The following RGS6 variants were observed in gnomAD, a reference collection of about 807,000 sequenced individuals.
RGS6 encodes the protein regulator of G-protein signaling 6.
In RGS6, 30 loss-of-function variants were observed where a neutral mutation model predicts 78.5. That is an observed-to-expected ratio of 0.38 (90% confidence interval 0.29 to 0.52). The LOEUF is 0.52. RGS6 is among the 20% of genes least tolerant of loss of function. The probability of loss-of-function intolerance (pLI) is 0.85; values close to 1 mark genes in which losing one functional copy is unlikely to be tolerated. For missense variants in RGS6, 495 were observed against 609.7 expected, an observed-to-expected ratio of 0.81 and a Z score of 1.98; for synonymous variants, 206 against 206.0, an observed-to-expected ratio of 1.00 and a Z score of 0.00.
At chr14:72,432,980 G>A (rs7159534) in intron 3 of RGS6, among the ~76,000 whole-genome samples, 1 of 152,018 alleles carries the variant, frequency 6.6e-6, no homozygotes, top group Non-Finnish European at 1.5e-5. Flanking sequence ...TCATAGGTCC[G>A]TGTTGTAGCT....
At chr14:72,008,487 C>T (rs753862501) in intron 2 of RGS6, among the ~76,000 whole-genome samples, 2 of 149,900 alleles carry the variant, frequency 1.3e-5, no homozygotes, top group Non-Finnish European at 3.0e-5. Context: ...CCTGGACTCA[C>T]AGAGTTGTTA....
At chr14:71,878,930 AC>A in the RGS6 span, among the ~76,000 whole-genome samples, 1 of 151,948 alleles carries the variant, frequency 6.6e-6, no homozygotes, top group Non-Finnish European at 1.5e-5. Flanking sequence ...GTCCCACCAA[AC>A]TTTTGCTTTT....
At chr14:72,536,584 G>C (rs776502026) in intron 16 of RGS6, among the ~76,000 whole-genome samples, 3 of 152,094 alleles carry the variant, frequency 2.0e-5, no homozygotes, top group Non-Finnish European at 4.4e-5. Context: ...GCATAGGAGT[G>C]CAGGGCTGGC....
At chr14:72,123,212 A>G (rs1407166843) in intron 2 of RGS6, among the ~76,000 whole-genome samples, 2 of 152,162 alleles carry the variant, frequency 1.3e-5, no homozygotes, top group African/African-American at 4.8e-5. Context: ...CACCTCCCAA[A>G]GTGCTGGGAT....
At chr14:71,931,259 C>T (rs972659048), upstream of RGS6, among the ~76,000 whole-genome samples, 1 of 152,134 alleles carries the variant, frequency 6.6e-6, no homozygotes, top group Non-Finnish European at 1.5e-5. Context: ...CCCCCACCCC[C>T]CGCCTTTCTG....
chr14:72,458,448 C>A, intron 5 of RGS6, 71 bp downstream of exon 5: 2 of 1,182,656 alleles, frequency 1.7e-6, no homozygotes, highest in South Asian at 1.3e-5. Context: ...GTTAGAACTA[C>A]AAAGAAAACC....
intron 12 of RGS6, among the ~76,000 whole-genome samples, chr14:72,480,058 G>A (rs1468295323): frequency 2.0e-5 from 3 of 152,134 alleles, no homozygotes; most frequent in Non-Finnish European, 2.9e-5. Context: ...GGTGAGGGAG[G>A]GGGTTAAAAA....
At chr14:71,957,615 G>A (rs1207234757) in intron 1 of RGS6, among the ~76,000 whole-genome samples, 1 of 152,152 alleles carries the variant, frequency 6.6e-6, no homozygotes, top group East Asian at 1.9e-4. Context: ...GAGCCCTGGT[G>A]AGAGAGGATG....
At chr14:72,421,643 A>G (rs918620674) in intron 3 of RGS6, 89 of 152,374 alleles carry the variant, frequency 5.8e-4, no homozygotes, top group African/African-American at 2.1e-3. Flanking sequence ...GAGGGGAGAC[A>G]GCACCGGCTT....
chr14:71,943,287 C>A (rs886569040), intron 1 of RGS6, among the ~76,000 whole-genome samples: 2 of 151,922 alleles, frequency 1.3e-5, no homozygotes, highest in African/African-American at 4.8e-5. Context: ...TAAAAAATAC[C>A]CTTTGAGTAT....
At chr14:71,925,552 T>C in the RGS6 span, among the ~76,000 whole-genome samples, 1 of 152,130 alleles carries the variant, frequency 6.6e-6, no homozygotes, top group Non-Finnish European at 1.5e-5. Context: ...TGTTTAGGTC[T>C]TTAATCCATT....
intron 2 of RGS6, among the ~76,000 whole-genome samples, chr14:72,045,958 G>C (rs1343568976): frequency 6.6e-6 from 1 of 152,126 alleles, no homozygotes; most frequent in African/African-American, 2.4e-5. Context: ...CCCAATATGA[G>C]TGTGTGTGGT....
chr14:72,301,095 G>C (rs1324564658), intron 2 of RGS6, among the ~76,000 whole-genome samples: 1 of 152,210 alleles, frequency 6.6e-6, no homozygotes, highest in Admixed American at 6.5e-5. Flanking sequence ...CTTGGCTTGT[G>C]TGAAAACAAG....
intron 2 of RGS6, among the ~76,000 whole-genome samples, chr14:72,294,864 G>A (rs1400196357): frequency 2.6e-5 from 4 of 152,122 alleles, no homozygotes; most frequent in Non-Finnish European, 5.9e-5. Context: ...CAACATGGGG[G>A]ATTACAACTA....
At chr14:72,121,674 G>A (rs566039119) in intron 2 of RGS6, among the ~76,000 whole-genome samples, 1 of 152,268 alleles carries the variant, frequency 6.6e-6, no homozygotes, top group South Asian at 2.1e-4. Context: ...TGCTCCATAA[G>A]AATATCTTGC....
intron 3 of RGS6, among the ~76,000 whole-genome samples, chr14:72,441,113 C>T (rs558440778): frequency 7.2e-4 from 110 of 152,124 alleles, no homozygotes; most frequent in South Asian, 1.9e-3. Context: ...TAATAAGAGA[C>T]GGGCAATCAC....
chr14:72,401,144 ACCCCAAGTCTACCT>A (rs976797726), intron 3 of RGS6, among the ~76,000 whole-genome samples: 1 of 151,990 alleles, frequency 6.6e-6, no homozygotes, highest in Non-Finnish European at 1.5e-5. Context: ...TCTTATCTTT[ACCCCAAGTCTACCT>A]CCTTAAAATA....
At chr14:72,458,518 T>A in intron 5 of RGS6, 141 bp downstream of exon 5, 1 of 652,390 alleles carries the variant, frequency 1.5e-6, no homozygotes, top group Non-Finnish European at 2.6e-6. Context: ...CCAAGAGAAC[T>A]TTTCTCTGGG....
chr14:72,210,152 A>G (rs1242412683), intron 2 of RGS6, among the ~76,000 whole-genome samples: 1 of 152,218 alleles, frequency 6.6e-6, no homozygotes, highest in African/African-American at 2.4e-5. Flanking sequence ...TATCTAATAA[A>G]GTGTTCAAAA....
Sources: allele counts gnomAD v4.1 joint callset (sites outside exome capture counted in the v4.1 genomes callset), GRCh38; gene constraint gnomAD v4.1.1; transcripts MANE v1.5; gene names NCBI Gene and HGNC (gene_info 2026-07-23, HGNC 2026-07-21).